NTRK3: variants seen among roughly 807,000 people sequenced by gnomAD.
NTRK3 encodes the protein neurotrophic receptor tyrosine kinase 3, also known as NT-3 growth factor receptor.
Under a neutral mutation model 91.7 loss-of-function variants are expected in NTRK3, and 24 were observed. The observed-to-expected ratio is 0.26, with a 90% confidence interval of 0.19 to 0.37. The LOEUF is 0.37. Ranked by LOEUF, NTRK3 falls within the 10% of genes least tolerant of loss-of-function variation. NTRK3 has a pLI of 1.00. For synonymous variants in NTRK3, 483 were observed against 404.0 expected (o/e 1.20, Z -2.34); for missense variants, 880 against 1,068.9 (o/e 0.82, Z 2.46).
rs1265169994 is a variant in NTRK3, at chr15:88,056,309, CAG to C, written c.1397-23266_1397-23265del. ...GTCTTTTTATAGCCAATGATTCATG[CAG>C]AGTGATGGGCTTTAAATATTAATAA... On this transcript the variant is annotated intron_variant, in intron 13 of 18. Transcript: ENST00000394480. Among the ~76,000 whole-genome samples the C allele has an allele frequency of 5.3e-5, 8 of 150,874 alleles. No individual in the cohort carries two copies. The East Asian group carries it at 1.2e-3, about 22-fold the overall frequency.
At position 88,175,310 on chromosome 15, in the gene NTRK3, G is replaced by C. The variant is rs2045896567; in HGVS notation, c.395+8108C>G. On this transcript the variant is annotated intron_variant, in intron 5 of 18. Coordinates refer to ENST00000394480, the Ensembl canonical transcript of NTRK3. ...TCCTTTGCCCCACGGCAGAGGAAAA[G>C]AGACATAGTAGGCCCCACACAGGCT... is the stretch of plus-strand genomic sequence containing the variant. Among the ~76,000 whole-genome samples, 4 of 152,186 alleles carry C rather than the reference G, an allele frequency of 2.6e-5. No individual in the cohort carries two copies. The South Asian group carries it at 8.3e-4, about 32-fold the overall frequency.
chr15:88,016,023 G>A (rs1398007581), intron 14 of NTRK3, among the ~76,000 whole-genome samples: 2 of 151,634 alleles, frequency 1.3e-5, no homozygotes, highest in African/African-American at 2.4e-5. Context: ...TCATTTGTGT[G>A]TGCTATACAT....
intron 13 of NTRK3, among the ~76,000 whole-genome samples, chr15:88,045,656 T>A (rs932877739): frequency 2.0e-5 from 3 of 152,196 alleles, no homozygotes; most frequent in African/African-American, 7.2e-5. Flanking sequence ...CAGTTGGAAA[T>A]CAAGGTACCA....
At chr15:88,227,711 C>G (rs1369536061) in intron 3 of NTRK3, among the ~76,000 whole-genome samples, 1 of 152,116 alleles carries the variant, frequency 6.6e-6, no homozygotes, top group Non-Finnish European at 1.5e-5. Flanking sequence ...CAGATTAACA[C>G]ACCTGGTAAC....
At chr15:87,906,495 C>T (rs2066774940) in intron 17 of NTRK3, among the ~76,000 whole-genome samples, 1 of 152,136 alleles carries the variant, frequency 6.6e-6, no homozygotes, top group Admixed American at 6.5e-5. Flanking sequence ...GAGATGAAAC[C>T]CGTGCTGACC....
At chr15:87,889,661 G>A (rs1280984729) in intron 17 of NTRK3, among the ~76,000 whole-genome samples, 1 of 151,972 alleles carries the variant, frequency 6.6e-6, no homozygotes, top group Non-Finnish European at 1.5e-5. Flanking sequence ...TGCAACAGGG[G>A]CCACCTGCAA....
intron 13 of NTRK3, among the ~76,000 whole-genome samples, chr15:88,071,982 G>C (rs929677643): frequency 6.0e-5 from 9 of 151,002 alleles, no homozygotes; most frequent in African/African-American, 2.2e-4. Context: ...GGTTCTCACA[G>C]ACCCCAGGCA....
rs373123404 is a variant in NTRK3, at chr15:88,256,014, C to T, written c.140G>A (p.Arg47Gln). Residue 47 changes from arginine to glutamine, a missense_variant, in exon 3 of 19, where the codon CGG (arginine) becomes CAG (glutamine). By Grantham distance (43) the Arg-to-Gln change is conservative. Around this residue, in one of 3 missense-constraint regions of NTRK3, gnomAD observed 743 missense variants for 868.6 expected, o/e 0.86. Coordinates refer to ENST00000394480, the Ensembl canonical transcript of NTRK3. The stretch of plus-strand genomic sequence containing the variant: ...GGGGAAGAGGTTCCCATCGTCCGGC[C>T]GCCGGCAATTGATCTCAGTCTTGCT... 185 of 1,613,454 alleles carry T rather than the reference C, an allele frequency of 1.1e-4. No individual in the cohort carries two copies. Among genetic ancestry groups the T allele is most frequent in the Non-Finnish European group, 1.5e-4 (173 of 1,179,834 alleles).
intron 5 of NTRK3, among the ~76,000 whole-genome samples, chr15:88,170,101 C>T (rs2045365200): frequency 6.6e-6 from 1 of 152,052 alleles, no homozygotes; most frequent in Non-Finnish European, 1.5e-5. Flanking sequence ...CAGAGAAGGC[C>T]CTCAACAGAT....
At chr15:88,167,608 A>G (rs1015927459) in intron 5 of NTRK3, among the ~76,000 whole-genome samples, 1 of 152,172 alleles carries the variant, frequency 6.6e-6, no homozygotes, top group Admixed American at 6.5e-5. Flanking sequence ...TATAGCCACA[A>G]TGGTTAAGAT....
At chr15:87,872,483 C>T (rs1046179854) in exon 19 of NTRK3, 8 of 227,602 alleles carry the variant, frequency 3.5e-5, no homozygotes, top group Non-Finnish European at 6.1e-5. Flanking sequence ...GAGTTGATTT[C>T]CAGTGGCCTG....
At chr15:88,031,306 T>C (rs560743865) in intron 14 of NTRK3, among the ~76,000 whole-genome samples, 4 of 152,146 alleles carry the variant, frequency 2.6e-5, no homozygotes, top group Non-Finnish European at 5.9e-5. Context: ...CAACTGTATA[T>C]TGAACATAGC....
intron 13 of NTRK3, among the ~76,000 whole-genome samples, chr15:88,044,980 T>C (rs922553390): frequency 1.3e-5 from 2 of 152,216 alleles, no homozygotes. Context: ...GGATGGACTA[T>C]TGCAGGTGCT....
At chr15:87,925,615 T>G (rs1347514097) in intron 17 of NTRK3, 1 of 209,724 alleles carries the variant, frequency 4.8e-6, no homozygotes, top group African/African-American at 2.3e-5. Flanking sequence ...CACAGTATTC[T>G]CGCGATCTGA....
intron 5 of NTRK3, among the ~76,000 whole-genome samples, chr15:88,181,937 T>C (rs758053812): frequency 1.4e-4 from 22 of 152,188 alleles, no homozygotes; most frequent in Non-Finnish European, 2.9e-4. Flanking sequence ...GCTTTTTCCC[T>C]TAGGATGTTT....
At chr15:88,229,649 G>A (rs538932460) in intron 3 of NTRK3, among the ~76,000 whole-genome samples, 47 of 152,316 alleles carry the variant, frequency 3.1e-4, no homozygotes, top group Middle Eastern at 3.4e-3. Flanking sequence ...GTCCCCAGGG[G>A]TACCAGCATC....
intron 13 of NTRK3, among the ~76,000 whole-genome samples, chr15:88,102,667 A>C (rs2050296602): frequency 6.6e-6 from 1 of 152,186 alleles, no homozygotes; most frequent in Non-Finnish European, 1.5e-5. Context: ...AAAAAAAGAC[A>C]CAGGGAAGGA....
At position 88,241,458 on chromosome 15, in the gene NTRK3, C is replaced by T. The variant is rs1157904247; in HGVS notation, c.248+14448G>A. 6.6e-6 allele frequency among the ~76,000 whole-genome samples: 1 copy of T among 152,096 alleles called. No individual in the cohort carries two copies. The highest frequency in any genetic ancestry group is 2.1e-4 in the South Asian group (1 of 4,828). ...ACAGAACATGACCCCGGAAAATGAA[C>T]CCTAGATGCAAATCAGGGAGTCATG... On this transcript the variant is annotated intron_variant, in intron 3 of 18. Coordinates refer to ENST00000394480, the Ensembl canonical transcript of NTRK3. The surrounding 1 kb of genome is among the most constrained non-coding windows in gnomAD (Gnocchi z 4.3).
At chr15:87,995,096 T>C (rs1198571184) in intron 14 of NTRK3, among the ~76,000 whole-genome samples, 1 of 152,190 alleles carries the variant, frequency 6.6e-6, no homozygotes, top group Non-Finnish European at 1.5e-5. Flanking sequence ...CAAAACAATG[T>C]CACATAGGTT....
Sources: allele counts gnomAD v4.1 joint callset (sites outside exome capture counted in the v4.1 genomes callset), GRCh38; gene constraint gnomAD v4.1.1; regional missense constraint gnomAD v4.1.1; non-coding constraint Gnocchi (gnomAD v3.1); transcripts MANE v1.5; gene names NCBI Gene and HGNC (gene_info 2026-07-23, HGNC 2026-07-21).